The following RET variants were observed in gnomAD, a reference collection of about 807,000 sequenced individuals.
The protein encoded by RET is proto-oncogene tyrosine-protein kinase receptor Ret.
Under a neutral mutation model 118.3 loss-of-function variants are expected in RET, and 19 were observed. The observed-to-expected ratio is 0.16, with a 90% confidence interval of 0.11 to 0.24. RET has a LOEUF of 0.24. RET is among the 10% of genes least tolerant of loss of function. The probability of loss-of-function intolerance (pLI) is 1.00; values close to 1 mark genes in which losing one functional copy is unlikely to be tolerated. For synonymous variants in RET, 597 were observed against 644.1 expected (o/e 0.93, Z 1.11); for missense variants, 1,219 against 1,502.1 (o/e 0.81, Z 3.12).
intron 1 of RET, among the ~76,000 whole-genome samples, chr10:43,089,277 G>T (rs575659872): frequency 6.6e-6 from 1 of 152,202 alleles, no homozygotes; most frequent in South Asian, 2.1e-4. Context: ...GTGTCCCAGG[G>T]TCTCCAGCCT....
At chr10:43,089,166 G>A (rs894333290) in intron 1 of RET, among the ~76,000 whole-genome samples, 19 of 152,228 alleles carry the variant, frequency 1.2e-4, no homozygotes, top group African/African-American at 4.1e-4. Context: ...GGCAGCGTCC[G>A]CTCAGCAGAA....
At chr10:43,080,764 G>A (rs372643610) in intron 1 of RET, among the ~76,000 whole-genome samples, 3 of 152,362 alleles carry the variant, frequency 2.0e-5, no homozygotes, top group Admixed American at 6.5e-5. Flanking sequence ...GGAGTCCTAT[G>A]GGTCTGGGGA....
chr10:43,125,886 A>G (rs760881376), intron 18 of RET, among the ~76,000 whole-genome samples: 5 of 152,162 alleles, frequency 3.3e-5, no homozygotes, highest in African/African-American at 4.8e-5. Flanking sequence ...GTTGTTCAAA[A>G]CAGAAGCGAT....
rs1838372394 is a variant in RET at position 43,128,041 on chromosome 10, C to G, written c.3188-71C>G. The stretch of plus-strand genomic sequence containing the variant: ...GTTTGAACATCAAAGGGAGTTTTGC[C>G]AAGGCCTTACTGTCTGCACTTGAAG... On this transcript the variant is annotated intron_variant, in intron 19 of 19. Transcript: ENST00000355710. The G allele has an allele frequency of 3.2e-6, 5 of 1,540,902 alleles. No homozygotes were observed. The African/African-American group carries it at 4.1e-5, about 13-fold the overall frequency.
intron 1 of RET, among the ~76,000 whole-genome samples, chr10:43,077,763 C>G (rs375438940): frequency 2.0e-5 from 3 of 152,242 alleles, no homozygotes; most frequent in Admixed American, 6.5e-5. Flanking sequence ...GAGACGGCTC[C>G]GTCCTGGTTT....
chr10:43,101,604 G>C (rs1260119256), intron 2 of RET, among the ~76,000 whole-genome samples: 1 of 152,230 alleles, frequency 6.6e-6, no homozygotes, highest in Non-Finnish European at 1.5e-5. Flanking sequence ...TTGAGGAATG[G>C]GAGTCCCTGG....
chr10:43,105,526 G>T (rs991859143), intron 4 of RET, among the ~76,000 whole-genome samples: 1 of 152,172 alleles, frequency 6.6e-6, no homozygotes, highest in Non-Finnish European at 1.5e-5. Context: ...CCAGCAGTTA[G>T]CCCCCAACGG....
chr10:43,095,903 A>T (rs1012651551), intron 1 of RET, among the ~76,000 whole-genome samples: 2 of 152,176 alleles, frequency 1.3e-5, no homozygotes, highest in Admixed American at 6.5e-5. Flanking sequence ...CAGCCTGAGG[A>T]ACCAGAACCA....
chr10:43,123,330 A>T (rs1403995348), intron 16 of RET, among the ~76,000 whole-genome samples: 1 of 152,230 alleles, frequency 6.6e-6, no homozygotes, highest in Non-Finnish European at 1.5e-5. Flanking sequence ...CTTAAGAATT[A>T]TTAAGATTAA....
chr10:43,098,137 G>C lies in RET; in HGVS notation c.74-2322G>C, dbSNP rs762540869. Among the ~76,000 whole-genome samples the C allele has an allele frequency of 7.3e-4, 111 of 152,074 alleles. 1 individual carries two copies. In the Middle Eastern group the frequency reaches 0.014, roughly 19 times the overall value. On this transcript the variant is annotated intron_variant, in intron 1 of 19. Transcript: ENST00000355710. ...ACTATTTTTAAGTATACATTTCAGGGACATTAAGTACATTCACATTGTTGT... is the reference window on the plus strand; with the variant it reads ...ACTATTTTTAAGTATACATTTCAGGCACATTAAGTACATTCACATTGTTGT...
intron 17 of RET, among the ~76,000 whole-genome samples, chr10:43,124,524 A>C (rs539239339): frequency 2.0e-5 from 3 of 152,336 alleles, no homozygotes; most frequent in South Asian, 4.1e-4. Context: ...TGAGAGTTTT[A>C]AGGACTGGCA....
intron 17 of RET, 94 bp downstream of exon 17, chr10:43,123,902 C>G (rs2133008313): frequency 6.3e-7 from 1 of 1,587,512 alleles, no homozygotes; most frequent in Non-Finnish European, 8.6e-7. Flanking sequence ...CCAGGAGAAA[C>G]CAGGAGAAGT....
intron 1 of RET, among the ~76,000 whole-genome samples, chr10:43,096,024 G>A (rs971435200): frequency 7.9e-5 from 12 of 152,210 alleles, no homozygotes; most frequent in African/African-American, 2.9e-4. Flanking sequence ...CCACCGCTGT[G>A]CTGCAGAAGT....
At chr10:43,111,186 T>A (rs746562393) in intron 6 of RET, 21 bp from the exon 7 acceptor site, 2 of 1,612,860 alleles carry the variant, frequency 1.2e-6, no homozygotes, top group African/African-American at 1.3e-5. Context: ...CTGGCTAAGG[T>A]GTTCCCCTGT....
chr10:43,097,342 C>T (rs891787826), intron 1 of RET, among the ~76,000 whole-genome samples: 1 of 152,186 alleles, frequency 6.6e-6, no homozygotes. Context: ...AGCCACCCCA[C>T]GGCCACCCAA....
intron 13 of RET, 64 bp downstream of exon 13, chr10:43,118,544 CT>C: frequency 8.5e-7 from 1 of 1,175,208 alleles, no homozygotes; most frequent in Non-Finnish European, 1.3e-6. Context: ...CCATACAGCC[CT>C]GTTCTCCCTC....
At chr10:43,088,570 T>C (rs904566380) in intron 1 of RET, among the ~76,000 whole-genome samples, 2 of 152,010 alleles carry the variant, frequency 1.3e-5, no homozygotes, top group Non-Finnish European at 2.9e-5. Flanking sequence ...TCTGTGAGCA[T>C]TTGCTTGGTG....
intron 1 of RET, among the ~76,000 whole-genome samples, chr10:43,097,132 TC>T (rs1395619476): frequency 3.3e-5 from 5 of 152,204 alleles, no homozygotes; most frequent in Non-Finnish European, 5.9e-5. Context: ...AGGCCCGTTC[TC>T]CCCTGCACAT....
At chr10:43,127,557 AT>A (rs1188173275) in intron 19 of RET, 4 of 936,938 alleles carry the variant, frequency 4.3e-6, no homozygotes, top group African/African-American at 3.6e-5. Context: ...AGTTTCAAGC[AT>A]TTTTTTCAAG....
Sources: allele counts gnomAD v4.1 joint callset (sites outside exome capture counted in the v4.1 genomes callset), GRCh38; gene constraint gnomAD v4.1.1; transcripts MANE v1.5; gene names NCBI Gene and HGNC (gene_info 2026-07-23, HGNC 2026-07-21).